The following STK32B variants were observed in gnomAD, a reference collection of about 807,000 sequenced individuals.
The protein encoded by STK32B is serine/threonine-protein kinase 32B.
Under a neutral mutation model 52.6 loss-of-function variants are expected in STK32B, and 43 were observed. That is an observed-to-expected ratio of 0.82 (90% confidence interval 0.64 to 1.05). STK32B has a LOEUF of 1.05. Among genes scored for constraint, STK32B ranks in the 50% least tolerant of loss-of-function variants. The pLI, the probability that STK32B is intolerant of heterozygous loss-of-function variation, is 0.00. For synonymous variants in STK32B, 238 were observed against 204.3 expected, an observed-to-expected ratio of 1.17 and a Z score of -1.41; for missense variants, 621 against 534.6, an observed-to-expected ratio of 1.16 and a Z score of -1.59.
intron 11 of STK32B, among the ~76,000 whole-genome samples, chr4:5,485,421 C>G (rs532127908): frequency 6.6e-6 from 1 of 152,142 alleles, no homozygotes; most frequent in Non-Finnish European, 1.5e-5. Context: ...GTTCTCGTGC[C>G]ATGGTTTTCA....
chr4:5,238,729 A>C (rs562975716), intron 3 of STK32B, among the ~76,000 whole-genome samples: 4 of 152,320 alleles, frequency 2.6e-5, no homozygotes, highest in Non-Finnish European at 5.9e-5. Context: ...GGTGGGCCGT[A>C]ATAAATTTTT....
intron 6 of STK32B, among the ~76,000 whole-genome samples, chr4:5,426,440 C>T (rs903649475): frequency 1.3e-5 from 2 of 152,000 alleles, no homozygotes; most frequent in East Asian, 1.9e-4. Flanking sequence ...TGTGGTGGCT[C>T]ATGCCTGTAA....
chr4:5,460,454 TTC>T lies in STK32B; in HGVS notation c.909+232_909+233del, dbSNP rs1560434051. 1.3e-5 allele frequency among the ~76,000 whole-genome samples: 2 copies of T among 152,216 alleles called. No individual in the cohort carries two copies. Among genetic ancestry groups the T allele is most frequent in the Non-Finnish European group, 2.9e-5 (2 of 68,044 alleles). On this transcript the variant is annotated intron_variant, in intron 9 of 11. Coordinates refer to ENST00000282908, the MANE Select transcript of STK32B (RefSeq NM_018401.3). This position sits in a 1 kb window ranked among gnomAD's most constrained non-coding sequence, Gnocchi z 4.8. ...GTAGGTCCTTTGGGGGTGCCAAGCC[TTC>T]TCTCTGTCACTGAATCCCACCTCCA...
chr4:5,173,154 T>C (rs969748905), intron 3 of STK32B, among the ~76,000 whole-genome samples: 2 of 152,236 alleles, frequency 1.3e-5, no homozygotes, highest in Non-Finnish European at 2.9e-5. Flanking sequence ...TCGGTGGTGA[T>C]ATCCCCTTTG....
chr4:5,102,388 C>T (rs1416622169), intron 1 of STK32B, among the ~76,000 whole-genome samples: 1 of 152,072 alleles, frequency 6.6e-6, no homozygotes, highest in African/African-American at 2.4e-5. Flanking sequence ...CCTGTAGGAG[C>T]ACTGCTGTGA....
intron 1 of STK32B, among the ~76,000 whole-genome samples, chr4:5,128,529 TGTGG>T (rs1273461778): frequency 1.3e-5 from 2 of 152,116 alleles, no homozygotes; most frequent in Non-Finnish European, 2.9e-5. Context: ...CTGGTAAGAG[TGTGG>T]AGCGAGGGGT....
chr4:5,300,357 C>G (rs973381777), intron 3 of STK32B, among the ~76,000 whole-genome samples: 2 of 152,126 alleles, frequency 1.3e-5, no homozygotes, highest in Non-Finnish European at 2.9e-5. Context: ...AAGCATGCCT[C>G]CTATGAACTG....
intron 3 of STK32B, among the ~76,000 whole-genome samples, chr4:5,227,171 G>C (rs1723930740): frequency 6.6e-6 from 1 of 152,056 alleles, no homozygotes; most frequent in South Asian, 2.1e-4. Flanking sequence ...ATGTCATTTT[G>C]AACATTCTTT....
At chr4:5,338,916 G>A (rs1281516690) in intron 4 of STK32B, among the ~76,000 whole-genome samples, 3 of 152,236 alleles carry the variant, frequency 2.0e-5, no homozygotes, top group Non-Finnish European at 4.4e-5. Flanking sequence ...ACTTCTGAGT[G>A]TGTCTGTGAG....
chr4:5,496,892 ACTAG>A (rs1456223636), intron 11 of STK32B, among the ~76,000 whole-genome samples: 9 of 152,160 alleles, frequency 5.9e-5, no homozygotes, highest in Admixed American at 5.9e-4. Context: ...ATTATGTCAG[ACTAG>A]CTAAGGAGTT....
chr4:5,437,995 T>C, intron 6 of STK32B: 2 of 985,532 alleles, frequency 2.0e-6, no homozygotes, highest in Non-Finnish European at 2.4e-6. Flanking sequence ...GTCGCTTGTC[T>C]GATCATGACA....
In STK32B at chr4:5,072,527, A is replaced by C. The variant is rs573931824; in HGVS notation, c.52+20612A>C. On this transcript the variant is annotated intron_variant, in intron 1 of 11. Coordinates refer to ENST00000282908, the MANE Select transcript of STK32B (RefSeq NM_018401.3). ...CTCATCTTTCAACCTCATCATTTCA[A>C]CACCAAGACACTGAGAAATCTAGAA... 2.0e-5 allele frequency among the ~76,000 whole-genome samples: 3 copies of C among 152,240 alleles called. No individual in the cohort carries two copies. The South Asian group carries it at 6.2e-4, about 32-fold the overall frequency.
At chr4:5,303,346 T>TATTTTTTG (rs895457407) in intron 3 of STK32B, among the ~76,000 whole-genome samples, 2 of 152,144 alleles carry the variant, frequency 1.3e-5, no homozygotes, top group Non-Finnish European at 2.9e-5. Context: ...CAACATCTAT[T>TATTTTTTG]ATTTTTTGAT....
intron 1 of STK32B, among the ~76,000 whole-genome samples, chr4:5,053,126 A>G (rs961941530): frequency 4.6e-5 from 7 of 152,204 alleles, no homozygotes; most frequent in African/African-American, 1.4e-4. Context: ...TCTCAAAAAG[A>G]TAGATGAACA....
At chr4:5,387,861 C>G (rs904187433) in intron 4 of STK32B, among the ~76,000 whole-genome samples, 4 of 152,220 alleles carry the variant, frequency 2.6e-5, no homozygotes, top group Non-Finnish European at 5.9e-5. Flanking sequence ...TCTCCTGCCT[C>G]AGCCTCCCGA....
intron 4 of STK32B, among the ~76,000 whole-genome samples, chr4:5,335,643 G>A (rs1577363254): frequency 6.6e-6 from 1 of 151,880 alleles, no homozygotes; most frequent in Non-Finnish European, 1.5e-5. Context: ...TCTACGCACT[G>A]CTTTGAATGT....
chr4:5,062,546 G>C (rs4374573), intron 1 of STK32B, among the ~76,000 whole-genome samples: 4,182 of 151,666 alleles, frequency 0.028, 190 homozygotes, highest in African/African-American at 0.096. Flanking sequence ...TTGCACTGTC[G>C]CCCAGGCTGG....
rs1472845802 is a variant in STK32B, at chr4:5,380,393, A to G, written c.435-17814A>G. Among the ~76,000 whole-genome samples the G allele has an allele frequency of 6.6e-6, 1 of 152,108 alleles. No homozygotes were observed. Among genetic ancestry groups the G allele is most frequent in the African/African-American group, 2.4e-5 (1 of 41,406 alleles). ...TCTGCATTTAAAATTATACTATGAA[A>G]TAGAAGAGCATTACTCTGAAGAGGT... On this transcript the variant is annotated intron_variant, in intron 4 of 11. Transcript: ENST00000282908. The surrounding 1 kb of genome is among the most constrained non-coding windows in gnomAD (Gnocchi z 4.3).
At chr4:5,245,449 C>T (rs991436375) in intron 3 of STK32B, among the ~76,000 whole-genome samples, 1 of 152,228 alleles carries the variant, frequency 6.6e-6, no homozygotes, top group African/African-American at 2.4e-5. Flanking sequence ...TCCTCCATCC[C>T]TTTACTTTGA....
Sources: gnomAD v4.1 joint callset for allele counts (sites outside exome capture counted in the v4.1 genomes callset) on GRCh38, gnomAD v4.1.1 for gene constraint, Gnocchi (gnomAD v3.1) non-coding constraint, MANE v1.5 for transcripts, NCBI Gene and HGNC (gene_info 2026-07-23, HGNC 2026-07-21) for gene names.